Variants in ADAMTSL3 observed in about 807,000 individuals in gnomAD.
ADAMTSL3 encodes the protein ADAMTS like 3.
In ADAMTSL3, 128 loss-of-function variants were observed where a neutral mutation model predicts 201.7. The observed-to-expected ratio is 0.63, with a 90% CI of 0.55 to 0.73. The LOEUF is 0.73. ADAMTSL3 is among the 30% of genes least tolerant of loss of function. The probability of loss-of-function intolerance (pLI) is 0.00; values close to 1 mark genes in which losing one functional copy is unlikely to be tolerated. For missense variants in ADAMTSL3, 1,990 were observed against 2,119.6 expected, an observed-to-expected ratio of 0.94 and a Z score of 1.20; for synonymous variants, 738 against 748.4, an observed-to-expected ratio of 0.99 and a Z score of 0.23.
intron 6 of ADAMTSL3, among the ~76,000 whole-genome samples, chr15:83,836,669 T>C (rs991966072): frequency 2.6e-5 from 4 of 152,236 alleles, no homozygotes; most frequent in African/African-American, 9.6e-5. Context: ...GAATCCTTTA[T>C]AGTGTTTGAA....
In ADAMTSL3 at chr15:84,012,472, G is replaced by A. The variant is rs193064006; in HGVS notation, c.3974-2070G>A. The stretch of plus-strand genomic sequence containing the variant: ...TTATCTTTAAAACTAGCAATGGTGG[G>A]TTAGGTTGCTCTGACACTTTGAATC... On this transcript the variant is annotated intron_variant, in intron 23 of 29. Coordinates refer to ENST00000286744, the MANE Select transcript of ADAMTSL3 (RefSeq NM_207517.3). Among the ~76,000 whole-genome samples the A allele has an allele frequency of 2.6e-3, 397 of 152,228 alleles. 3 individuals are homozygous for A. The highest frequency in any genetic ancestry group is 9.1e-3 in the African/African-American group (380 of 41,542).
At chr15:83,757,854 A>G (rs546351801) in intron 3 of ADAMTSL3, among the ~76,000 whole-genome samples, 1 of 152,296 alleles carries the variant, frequency 6.6e-6, no homozygotes, top group East Asian at 1.9e-4. Flanking sequence ...AAAGTTCCAC[A>G]TATCTCTAGG....
chr15:83,963,097 G>A (rs1402968021), intron 19 of ADAMTSL3, among the ~76,000 whole-genome samples: 3 of 152,134 alleles, frequency 2.0e-5, no homozygotes, highest in Non-Finnish European at 4.4e-5. Flanking sequence ...ACAGCCATTT[G>A]GGCAGACATC....
intron 3 of ADAMTSL3, among the ~76,000 whole-genome samples, chr15:83,738,865 C>T (rs1179972408): frequency 6.6e-6 from 1 of 151,650 alleles, no homozygotes; most frequent in East Asian, 1.9e-4. Flanking sequence ...CACTGCATTC[C>T]AGCCTGGGTG....
At chr15:83,867,450 T>A (rs1381228722) in intron 8 of ADAMTSL3, among the ~76,000 whole-genome samples, 1 of 152,156 alleles carries the variant, frequency 6.6e-6, no homozygotes. Context: ...AGCAAAACCT[T>A]AGCATTAAAT....
chr15:83,688,971 G>A (rs1352152480), intron 2 of ADAMTSL3, among the ~76,000 whole-genome samples: 1 of 151,916 alleles, frequency 6.6e-6, no homozygotes, highest in African/African-American at 2.4e-5. Flanking sequence ...ACCACAGCAG[G>A]CTAATTTTTT....
At chr15:83,744,793 A>G (rs1022967789) in intron 3 of ADAMTSL3, among the ~76,000 whole-genome samples, 3 of 152,222 alleles carry the variant, frequency 2.0e-5, no homozygotes, top group African/African-American at 7.2e-5. Flanking sequence ...GTTTGTCAGC[A>G]GGACTGTCGT....
At chr15:83,674,724 T>TACAC (rs1331726876) in intron 2 of ADAMTSL3, among the ~76,000 whole-genome samples, 2 of 141,816 alleles carry the variant, frequency 1.4e-5, no homozygotes, top group Non-Finnish European at 3.0e-5. Flanking sequence ...CACACATATA[T>TACAC]ACATATATAC....
chr15:83,747,094 T>C (rs143612924), intron 3 of ADAMTSL3, among the ~76,000 whole-genome samples: 1 of 152,170 alleles, frequency 6.6e-6, no homozygotes, highest in East Asian at 1.9e-4. Flanking sequence ...ATGGGTTAGA[T>C]GGGGTTTAAG....
At chr15:83,726,652 A>C (rs1435599235) in intron 3 of ADAMTSL3, among the ~76,000 whole-genome samples, 1 of 152,152 alleles carries the variant, frequency 6.6e-6, no homozygotes, top group African/African-American at 2.4e-5. Flanking sequence ...AATTGAAATC[A>C]TCATATGGTT....
chr15:83,690,104 A>AT (rs750905073), intron 2 of ADAMTSL3, among the ~76,000 whole-genome samples: 6 of 151,974 alleles, frequency 3.9e-5, no homozygotes, highest in Non-Finnish European at 7.4e-5. Flanking sequence ...GAGATATGTT[A>AT]TTTTGTTCTG....
chr15:83,967,070 A>AT (rs1192289789), intron 19 of ADAMTSL3, among the ~76,000 whole-genome samples: 1 of 151,712 alleles, frequency 6.6e-6, no homozygotes, highest in Non-Finnish European at 1.5e-5. Flanking sequence ...CCCACAGCCA[A>AT]TATACTGAAT....
rs779767020 is a variant in ADAMTSL3 at position 83,988,791 on chromosome 15, G to A, written c.3817G>A (p.Val1273Met). 5 of 1,604,168 alleles carry A rather than the reference G, an allele frequency of 3.1e-6. No homozygotes were observed. The South Asian group carries it at 4.5e-5, about 14-fold the overall frequency. The stretch of plus-strand genomic sequence containing the variant: ...TGTAGCTAATCATCTTGGTTCAGAT[G>A]TGGAAAGTTCTTCTGTGCTGTATGC... Reference protein sequence around the residue: ...CSVANHLGSDVESSSVLYAEA... With the variant: ...CSVANHLGSDMESSSVLYAEA... Residue 1273 changes from valine to methionine, a missense_variant, in exon 22 of 30, where the codon GTG becomes ATG. Val to Met is a conservative substitution (Grantham distance 21). Transcript: ENST00000286744.
chr15:83,895,684 T>A (rs1036764157), intron 13 of ADAMTSL3, among the ~76,000 whole-genome samples: 1 of 152,218 alleles, frequency 6.6e-6, no homozygotes, highest in African/African-American at 2.4e-5. Flanking sequence ...TCCTTTGGAT[T>A]AACCAGTTGT....
intron 28 of ADAMTSL3, 79 bp from the exon 29 acceptor site, chr15:84,036,694 A>G: frequency 8.9e-7 from 1 of 1,123,876 alleles, no homozygotes; most frequent in Non-Finnish European, 1.3e-6. Flanking sequence ...GTAAGGTAAA[A>G]AGGCTTGGTC....
intron 25 of ADAMTSL3, among the ~76,000 whole-genome samples, chr15:84,017,327 C>T (rs966373429): frequency 1.3e-5 from 2 of 152,138 alleles, no homozygotes; most frequent in African/African-American, 2.4e-5. Flanking sequence ...CCGTGTTAGC[C>T]AGGATGATCT....
intron 17 of ADAMTSL3, among the ~76,000 whole-genome samples, chr15:83,941,685 A>T: frequency 6.6e-6 from 1 of 152,156 alleles, no homozygotes; most frequent in East Asian, 1.9e-4. Context: ...TTAAACATTT[A>T]TATGATTTCC....
At chr15:83,693,902 C>T (rs2061645898) in intron 2 of ADAMTSL3, among the ~76,000 whole-genome samples, 1 of 152,148 alleles carries the variant, frequency 6.6e-6, no homozygotes, top group African/African-American at 2.4e-5. Flanking sequence ...ATTAACCTAA[C>T]ACTCCATTCT....
rs190570767 is a variant in ADAMTSL3, at chr15:83,752,163, A to G, written c.190-21360A>G. On this transcript the variant is annotated intron_variant, in intron 3 of 29. Transcript: ENST00000286744. ...TGGAAAATCAAATCAGTGGTATAGA[A>G]GACAAAAGTGCTAAAAAGAGAAGAT... Among the ~76,000 whole-genome samples the G allele has an allele frequency of 6.3e-4, 96 of 152,350 alleles. No homozygotes were observed. The Middle Eastern group carries it at 0.031, about 49-fold the overall frequency.
Sources: allele counts gnomAD v4.1 joint callset (sites outside exome capture counted in the v4.1 genomes callset), GRCh38; gene constraint gnomAD v4.1.1; transcripts MANE v1.5; gene names NCBI Gene and HGNC (gene_info 2026-07-23, HGNC 2026-07-21).